The following SYNDIG1 variants were observed in gnomAD, a reference collection of about 807,000 sequenced individuals.
SYNDIG1 encodes the protein synapse differentiation inducing 1.
Under a neutral mutation model 19.4 loss-of-function variants are expected in SYNDIG1, and 9 were observed. That is an observed-to-expected ratio of 0.46 (90% CI 0.28 to 0.81). The LOEUF is 0.81. SYNDIG1 is among the 30% of genes least tolerant of loss of function. The pLI, the probability that SYNDIG1 is intolerant of heterozygous loss-of-function variation, is 0.12. For synonymous variants in SYNDIG1, 141 were observed against 145.9 expected (o/e 0.97, Z 0.24); for missense variants, 311 against 343.3 (o/e 0.91, Z 0.74).
intron 3 of SYNDIG1, among the ~76,000 whole-genome samples, chr20:24,634,480 C>T (rs2059294810): frequency 1.3e-5 from 2 of 152,232 alleles, no homozygotes; most frequent in South Asian, 4.1e-4. Context: ...GAAGTCCGTA[C>T]CAGTTTTCAT....
In SYNDIG1 at chr20:24,558,571, TTTC is replaced by T. The variant is rs1463414400; in HGVS notation, c.480+14996_480+14998del. ...TAATGTCTGCCATTTTGATTTTTGT[TTTC>T]TGCATGTATCCTGGTTTAGTAGTTA... On this transcript the variant is annotated intron_variant, in intron 2 of 3. Coordinates refer to ENST00000376862, the MANE Select transcript of SYNDIG1 (RefSeq NM_024893.3). Among the ~76,000 whole-genome samples, 289 of 152,354 alleles carry T rather than the reference TTTC, an allele frequency of 1.9e-3. 2 individuals are homozygous for T. Among genetic ancestry groups the T allele is most frequent in the African/African-American group, 6.7e-3 (280 of 41,588 alleles).
At chr20:24,630,621 T>G (rs934203754) in intron 3 of SYNDIG1, among the ~76,000 whole-genome samples, 1 of 152,216 alleles carries the variant, frequency 6.6e-6, no homozygotes. Context: ...AGCCCCTCTG[T>G]GTCAAAGGCA....
chr20:24,595,130 A>G (rs2058576167), intron 3 of SYNDIG1, among the ~76,000 whole-genome samples: 1 of 152,162 alleles, frequency 6.6e-6, no homozygotes, highest in Non-Finnish European at 1.5e-5. Context: ...GCCATTCAGT[A>G]TGATATTGGC....
At chr20:24,540,956 T>A (rs1321108327) in intron 1 of SYNDIG1, among the ~76,000 whole-genome samples, 1 of 152,210 alleles carries the variant, frequency 6.6e-6, no homozygotes, top group Non-Finnish European at 1.5e-5. Flanking sequence ...TGGAAAAGTT[T>A]GAGAAGGACT....
chr20:24,617,046 T>C (rs889953041), intron 3 of SYNDIG1, among the ~76,000 whole-genome samples: 6 of 152,188 alleles, frequency 3.9e-5, no homozygotes, highest in African/African-American at 1.4e-4. Context: ...CCGTGCACTC[T>C]CAGGCCTCTC....
At chr20:24,474,158 T>C (rs1171522666) in intron 1 of SYNDIG1, among the ~76,000 whole-genome samples, 1 of 152,260 alleles carries the variant, frequency 6.6e-6, no homozygotes, top group African/African-American at 2.4e-5. Flanking sequence ...ATTAGATTCA[T>C]ATTATGTTAT....
chr20:24,603,373 T>A (rs1185153038), intron 3 of SYNDIG1, among the ~76,000 whole-genome samples: 1 of 152,040 alleles, frequency 6.6e-6, no homozygotes, highest in Non-Finnish European at 1.5e-5. Flanking sequence ...TTCCTAGTGC[T>A]CCAAGCTCTG....
intron 1 of SYNDIG1, among the ~76,000 whole-genome samples, chr20:24,509,387 G>A (rs1467675037): frequency 6.6e-6 from 1 of 151,998 alleles, no homozygotes; most frequent in Non-Finnish European, 1.5e-5. Flanking sequence ...AGTTAATATT[G>A]TCCATCCTTC....
intron 1 of SYNDIG1, among the ~76,000 whole-genome samples, chr20:24,535,179 A>G (rs1261092656): frequency 1.3e-5 from 2 of 152,228 alleles, no homozygotes; most frequent in Non-Finnish European, 2.9e-5. Flanking sequence ...AACCATTGCC[A>G]GTTCTGAAGC....
chr20:24,557,076 C>G (rs895352488), intron 2 of SYNDIG1, among the ~76,000 whole-genome samples: 1 of 152,134 alleles, frequency 6.6e-6, no homozygotes, highest in East Asian at 1.9e-4. Context: ...TCACTGATAC[C>G]CTTTCTTCCA....
intron 3 of SYNDIG1, among the ~76,000 whole-genome samples, chr20:24,618,440 C>T (rs1027215065): frequency 6.6e-6 from 1 of 152,040 alleles, no homozygotes; most frequent in Non-Finnish European, 1.5e-5. Flanking sequence ...AGCACCAGGC[C>T]TCGTGGGCAC....
At chr20:24,524,285 G>A (rs928433970) in intron 1 of SYNDIG1, among the ~76,000 whole-genome samples, 7 of 152,170 alleles carry the variant, frequency 4.6e-5, no homozygotes, top group Non-Finnish European at 8.8e-5. Flanking sequence ...CCTGGCTGCA[G>A]CTTCTGTCCA....
chr20:24,632,540 A>C (rs989278092), intron 3 of SYNDIG1, among the ~76,000 whole-genome samples: 2 of 152,214 alleles, frequency 1.3e-5, no homozygotes, highest in African/African-American at 4.8e-5. Context: ...ACATCTGGCC[A>C]GAGTTCACAC....
intron 3 of SYNDIG1, among the ~76,000 whole-genome samples, chr20:24,643,260 T>G (rs952982283): frequency 2.0e-5 from 3 of 152,230 alleles, no homozygotes; most frequent in African/African-American, 7.2e-5. Context: ...TAATTGTTCA[T>G]TTCCAGTATA....
intron 3 of SYNDIG1, among the ~76,000 whole-genome samples, chr20:24,618,629 C>T (rs1167075504): frequency 6.6e-6 from 1 of 152,188 alleles, no homozygotes; most frequent in African/African-American, 2.4e-5. Context: ...TCTTTTGAAG[C>T]TGGAAGAAGA....
chr20:24,573,472 G>C (rs950124654), intron 2 of SYNDIG1, among the ~76,000 whole-genome samples: 10 of 152,214 alleles, frequency 6.6e-5, no homozygotes, highest in Non-Finnish European at 1.5e-5. Flanking sequence ...AAGGCCTGAA[G>C]TCCAGTGTAC....
intron 1 of SYNDIG1, among the ~76,000 whole-genome samples, chr20:24,500,361 AG>A (rs2056409900): frequency 6.6e-6 from 1 of 152,150 alleles, no homozygotes; most frequent in Admixed American, 6.5e-5. Flanking sequence ...TTTTCTATCG[AG>A]TGTTGTTTTC....
intron 3 of SYNDIG1, among the ~76,000 whole-genome samples, chr20:24,620,470 T>G (rs571028666): frequency 6.6e-6 from 1 of 152,310 alleles, no homozygotes; most frequent in Non-Finnish European, 1.5e-5. Flanking sequence ...CTCATTGCCT[T>G]TCCATGTGGT....
intron 3 of SYNDIG1, among the ~76,000 whole-genome samples, chr20:24,661,364 A>AGAGGGAGGAAGGAGGGAAGG (rs2059585974): frequency 2.7e-5 from 3 of 112,920 alleles, no homozygotes; most frequent in Non-Finnish European, 3.8e-5. Flanking sequence ...GAGGGAGGGA[A>AGAGGGAGGAAGGAGGGAAGG]AACCGAGGGA....
Sources: allele counts gnomAD v4.1 joint callset (sites outside exome capture counted in the v4.1 genomes callset), GRCh38; gene constraint gnomAD v4.1.1; transcripts MANE v1.5; gene names NCBI Gene and HGNC (gene_info 2026-07-23, HGNC 2026-07-21).